The following GALNTL6 variants were observed in gnomAD, a reference collection of about 807,000 sequenced individuals.
GALNTL6 encodes the protein polypeptide N-acetylgalactosaminyltransferase-like 6.
GALNTL6 carries 46 observed loss-of-function variants against 73.7 expected under a neutral mutation model. The ratio of observed to expected loss-of-function variants is 0.62; its 90% CI spans 0.49 to 0.80. The LOEUF (loss-of-function observed/expected upper bound fraction) is 0.80, where lower values mean the gene tolerates loss of function less well. Among genes scored for constraint, GALNTL6 ranks in the 30% least tolerant of loss-of-function variants. The probability of loss-of-function intolerance (pLI) is 0.00; values close to 1 mark genes in which losing one functional copy is unlikely to be tolerated. For missense variants in GALNTL6, 604 were observed against 755.0 expected, an observed-to-expected ratio of 0.80 and a Z score of 2.34; for synonymous variants, 259 against 263.7, an observed-to-expected ratio of 0.98 and a Z score of 0.17.
chr4:172,901,034 A>G (rs1746600573), intron 8 of GALNTL6, among the ~76,000 whole-genome samples: 1 of 152,142 alleles, frequency 6.6e-6, no homozygotes, highest in African/African-American at 2.4e-5. Flanking sequence ...TCTGAACGAT[A>G]TAATTGGAAT....
At chr4:172,557,388 G>T (rs1736187232) in intron 5 of GALNTL6, among the ~76,000 whole-genome samples, 1 of 152,096 alleles carries the variant, frequency 6.6e-6, no homozygotes, top group South Asian at 2.1e-4. Context: ...GAAAAAAATT[G>T]ATCAGTTGGG....
At chr4:173,028,839 T>C (rs1423534078) in intron 12 of GALNTL6, among the ~76,000 whole-genome samples, 1 of 152,216 alleles carries the variant, frequency 6.6e-6, no homozygotes, top group Non-Finnish European at 1.5e-5. Flanking sequence ...TTAACTTTCA[T>C]AATAAAGGAC....
chr4:172,074,826 T>C (rs1269075447), intron 2 of GALNTL6, among the ~76,000 whole-genome samples: 2 of 152,200 alleles, frequency 1.3e-5, no homozygotes, highest in African/African-American at 4.8e-5. Flanking sequence ...TCAGGTGTAC[T>C]AAGGAGATGT....
At chr4:172,335,890 C>A (rs1391590414) in intron 4 of GALNTL6, among the ~76,000 whole-genome samples, 1 of 152,104 alleles carries the variant, frequency 6.6e-6, no homozygotes, top group Non-Finnish European at 1.5e-5. Flanking sequence ...TTCAAATAAT[C>A]AACTTTTGGT....
At chr4:172,441,183 T>C (rs1731824333) in intron 5 of GALNTL6, among the ~76,000 whole-genome samples, 1 of 152,096 alleles carries the variant, frequency 6.6e-6, no homozygotes. Context: ...ATCCATCTAT[T>C]TCACTAAAGG....
intron 5 of GALNTL6, among the ~76,000 whole-genome samples, chr4:172,578,369 G>A (rs1333328085): frequency 6.6e-6 from 1 of 152,156 alleles, no homozygotes; most frequent in Non-Finnish European, 1.5e-5. Context: ...ACGTTCTTCA[G>A]CTTAGGCTTT....
chr4:172,913,631 A>G (rs1747339170), intron 8 of GALNTL6, among the ~76,000 whole-genome samples: 1 of 152,208 alleles, frequency 6.6e-6, no homozygotes, highest in South Asian at 2.1e-4. Flanking sequence ...CAAGTGGAAG[A>G]AAGGGTATCG....
intron 5 of GALNTL6, among the ~76,000 whole-genome samples, chr4:172,800,023 A>G (rs1256996143): frequency 6.6e-6 from 1 of 152,206 alleles, no homozygotes; most frequent in Non-Finnish European, 1.5e-5. Context: ...TCACATAAAG[A>G]AAACCTGTAT....
At chr4:172,220,005 T>C (rs1255807398) in intron 2 of GALNTL6, among the ~76,000 whole-genome samples, 2 of 151,896 alleles carry the variant, frequency 1.3e-5, no homozygotes, top group Non-Finnish European at 2.9e-5. Context: ...AGCCAGTAAA[T>C]CCAATTCTCT....
At chr4:172,967,492 C>CT (rs139645734) in intron 10 of GALNTL6, among the ~76,000 whole-genome samples, 8,594 of 148,576 alleles carry the variant, frequency 0.058, 306 homozygotes, top group East Asian at 0.13. Flanking sequence ...TTTGCCTATG[C>CT]TTTTTTTTTT....
At chr4:172,402,020 A>C (rs1454198364) in intron 5 of GALNTL6, among the ~76,000 whole-genome samples, 20 of 151,804 alleles carry the variant, frequency 1.3e-4, no homozygotes. Context: ...CCTGAAAGAA[A>C]GAATTTCCAG....
chr4:172,136,373 C>T (rs1733637068), intron 2 of GALNTL6, among the ~76,000 whole-genome samples: 1 of 151,784 alleles, frequency 6.6e-6, no homozygotes, highest in African/African-American at 2.4e-5. Flanking sequence ...TTATGTGTAA[C>T]TTATTTATTG....
chr4:171,971,550 A>T (rs1413217700), intron 2 of GALNTL6, among the ~76,000 whole-genome samples: 3 of 152,184 alleles, frequency 2.0e-5, no homozygotes, highest in Non-Finnish European at 4.4e-5. Context: ...AGGCTTACCT[A>T]TTACCAAGTG....
chr4:172,183,936 G>A lies in GALNTL6; in HGVS notation c.139-45720G>A, dbSNP rs1735338274. On this transcript the variant is annotated intron_variant, in intron 2 of 12. Transcript: ENST00000506823. Reference sequence around the variant, plus strand: ...GCCTCCTGAATAGCTGGAACTACAGGCATGCACCACCACACCCGGCTAATT... The same window carrying A: ...GCCTCCTGAATAGCTGGAACTACAGACATGCACCACCACACCCGGCTAATT... 3.3e-5 allele frequency among the ~76,000 whole-genome samples: 5 copies of A among 151,962 alleles called. No individual in the cohort carries two copies. In the South Asian group the frequency reaches 1.0e-3, roughly 32 times the overall value.
chr4:172,733,783 A>G (rs1367824879), intron 5 of GALNTL6, among the ~76,000 whole-genome samples: 1 of 152,190 alleles, frequency 6.6e-6, no homozygotes, highest in African/African-American at 2.4e-5. Flanking sequence ...CTTTTTCTTT[A>G]TAAATTACCC....
At chr4:172,715,735 A>T (rs1158408555) in intron 5 of GALNTL6, among the ~76,000 whole-genome samples, 1 of 152,202 alleles carries the variant, frequency 6.6e-6, no homozygotes, top group Non-Finnish European at 1.5e-5. Flanking sequence ...AATGAAAAAG[A>T]TAACCAAATG....
chr4:172,419,618 A>T (rs1402539261), intron 5 of GALNTL6, among the ~76,000 whole-genome samples: 3 of 152,182 alleles, frequency 2.0e-5, no homozygotes, highest in Non-Finnish European at 4.4e-5. Context: ...GGCTTTATGA[A>T]GTTAACAAAG....
intron 2 of GALNTL6, among the ~76,000 whole-genome samples, chr4:172,026,340 G>T (rs1250325992): frequency 6.6e-6 from 1 of 151,924 alleles, no homozygotes; most frequent in African/African-American, 2.4e-5. Context: ...TTACTTTGAT[G>T]TCATCAATAA....
chr4:172,014,961 T>G lies in GALNTL6; in HGVS notation c.138+200243T>G, dbSNP rs377637275. Among the ~76,000 whole-genome samples the G allele has an allele frequency of 7.2e-5, 11 of 152,252 alleles. No individual in the cohort carries two copies. In the South Asian group the frequency reaches 1.0e-3, roughly 14 times the overall value. On this transcript the variant is annotated intron_variant, in intron 2 of 12. Transcript: ENST00000506823. ...TGCAGAAATTTATTGAGACTCATAC[T>G]GTGACCTATCATATTATCTATGTTG... is the stretch of plus-strand genomic sequence containing the variant.
Sources: gnomAD v4.1 joint callset for allele counts (sites outside exome capture counted in the v4.1 genomes callset) on GRCh38, gnomAD v4.1.1 for gene constraint, MANE v1.5 for transcripts, NCBI Gene and HGNC (gene_info 2026-07-23, HGNC 2026-07-21) for gene names.